TBXAS1: variants seen among roughly 807,000 people sequenced by gnomAD.
TBXAS1 encodes thromboxane A synthase 1, also known as thromboxane-A synthase.
A neutral mutation model predicts 60.7 loss-of-function variants in TBXAS1; 48 were observed. The observed-to-expected ratio is 0.79, with a 90% CI of 0.63 to 1.01. TBXAS1 has a LOEUF of 1.01. Among genes scored for constraint, TBXAS1 ranks in the 50% least tolerant of loss-of-function variants. The probability of loss-of-function intolerance (pLI) is 0.00; values close to 1 mark genes in which losing one functional copy is unlikely to be tolerated. For synonymous variants in TBXAS1, 287 were observed against 269.7 expected (o/e 1.06, Z -0.63); for missense variants, 685 against 686.3 (o/e 1.00, Z 0.02).
At chr7:139,817,306 T>G (rs913769170) in intron 4 of TBXAS1, among the ~76,000 whole-genome samples, 1 of 151,990 alleles carries the variant, frequency 6.6e-6, no homozygotes, top group Non-Finnish European at 1.5e-5. Context: ...ACATGCACGC[T>G]GCCCACCTGT....
chr7:140,001,380 C>T lies in TBXAS1; in HGVS notation c.1135-5711C>T, dbSNP rs140794066. Among the ~76,000 whole-genome samples, 46 of 152,296 alleles carry T rather than the reference C, an allele frequency of 3.0e-4. 1 individual carries two copies. The highest frequency in any genetic ancestry group is 1.0e-3 in the African/African-American group (42 of 41,566). Reference sequence around the variant, plus strand: ...CAGCACCCTCACTAGCTGTTGGTAACGTTGGTGCCTGGATGTACTGACAGA... The same window carrying T: ...CAGCACCCTCACTAGCTGTTGGTAATGTTGGTGCCTGGATGTACTGACAGA... On this transcript the variant is annotated intron_variant, in intron 9 of 12. Transcript: ENST00000448866.
intron 4 of TBXAS1, among the ~76,000 whole-genome samples, chr7:139,920,852 C>A (rs1468073310): frequency 6.6e-6 from 1 of 152,200 alleles, no homozygotes; most frequent in Non-Finnish European, 1.5e-5. Context: ...GGACAGACCT[C>A]CTCTGTTCCT....
At chr7:139,893,398 C>T (rs973690642) in intron 3 of TBXAS1, among the ~76,000 whole-genome samples, 1 of 150,656 alleles carries the variant, frequency 6.6e-6, no homozygotes, top group South Asian at 2.1e-4. Flanking sequence ...AATATACATG[C>T]CTGGGCATAA....
At position 139,962,730 on chromosome 7, in the gene TBXAS1, G is replaced by A. The variant is rs1355671929; in HGVS notation, c.1134+497G>A. 8 of 187,366 alleles carry A rather than the reference G, an allele frequency of 4.3e-5. No homozygotes were observed. The East Asian group carries it at 5.7e-4, about 13-fold the overall frequency. The allele number at this position is 187,366 out of a possible 1,614,324, so 11.6% of individuals were successfully genotyped here. On this transcript the variant is annotated intron_variant, in intron 9 of 12. Coordinates refer to ENST00000448866, the MANE Select transcript of TBXAS1 (RefSeq NM_001061.7). ...AATGGAATAAGGGAAGATGGGGCCCGTCAGCGCCCAGGCCAGCTTCAGGGC... is the reference window on the plus strand; with the variant it reads ...AATGGAATAAGGGAAGATGGGGCCCATCAGCGCCCAGGCCAGCTTCAGGGC...
At chr7:139,965,237 A>T (rs1345534856) in intron 9 of TBXAS1, among the ~76,000 whole-genome samples, 1 of 151,926 alleles carries the variant, frequency 6.6e-6, no homozygotes, top group Non-Finnish European at 1.5e-5. Flanking sequence ...AAAGGACCAC[A>T]TGTTATTATG....
At chr7:139,941,038 AG>A (rs1808251165) in intron 5 of TBXAS1, among the ~76,000 whole-genome samples, 1 of 152,216 alleles carries the variant, frequency 6.6e-6, no homozygotes, top group Non-Finnish European at 1.5e-5. Flanking sequence ...GAGGGAAATG[AG>A]CCACAGTGTT....
chr7:139,782,440 T>C (rs1438696040), intron 2 of TBXAS1: 3 of 146,144 alleles, frequency 2.1e-5, no homozygotes, highest in Admixed American at 6.9e-5. Context: ...TCATTTTGCT[T>C]ACAGGACATG....
rs144585509 is a variant in TBXAS1, at chr7:139,875,916, G to A, written c.236+279G>A. 189 of 496,822 alleles carry A rather than the reference G, an allele frequency of 3.8e-4. 1 individual carries two copies. Among genetic ancestry groups the A allele is most frequent in the African/African-American group, 3.1e-3 (160 of 51,446 alleles). The allele number at this position is 496,822 out of a possible 1,614,324, so 30.8% of individuals were successfully genotyped here. ...TGGGCTGGGCACAGCATCATCTCCCGTTGCTGTGCTGAGGGGTGTTGCCAC... is the reference window on the plus strand; with the variant it reads ...TGGGCTGGGCACAGCATCATCTCCCATTGCTGTGCTGAGGGGTGTTGCCAC... On this transcript the variant is annotated intron_variant, in intron 3 of 12. Coordinates refer to ENST00000448866, the MANE Select transcript of TBXAS1 (RefSeq NM_001061.7).
At chr7:140,003,323 C>T (rs1283021541) in intron 9 of TBXAS1, among the ~76,000 whole-genome samples, 1 of 152,040 alleles carries the variant, frequency 6.6e-6, no homozygotes, top group African/African-American at 2.4e-5. Flanking sequence ...CCTGCCTCAG[C>T]CTCCAGGGTG....
chr7:139,782,142 AT>A (rs913898432), intron 2 of TBXAS1, among the ~76,000 whole-genome samples: 3 of 151,822 alleles, frequency 2.0e-5, no homozygotes, highest in African/African-American at 7.3e-5. Flanking sequence ...TATTTTATTT[AT>A]TTAATAAGCA....
intron 1 of TBXAS1, among the ~76,000 whole-genome samples, chr7:139,859,087 C>T (rs971998276): frequency 1.3e-5 from 2 of 152,052 alleles, no homozygotes; most frequent in African/African-American, 4.8e-5. Context: ...GTTGGTCAGG[C>T]TGGTCTCAAA....
At chr7:139,829,173 C>A (rs1195220405), upstream of TBXAS1, 3 of 672,142 alleles carry the variant, frequency 4.5e-6, no homozygotes, top group African/African-American at 1.8e-5. Context: ...GTTGCTGATT[C>A]ATTCCTTTAC....
chr7:139,834,122 C>T (rs1798904667), intron 1 of TBXAS1, among the ~76,000 whole-genome samples: 1 of 152,146 alleles, frequency 6.6e-6, no homozygotes, highest in Admixed American at 6.5e-5. Context: ...TCTCAGACCA[C>T]AACAGAATAA....
rs950844644 is a variant in TBXAS1 at position 139,852,128 on chromosome 7, T to C, written c.90-20107T>C. Among the ~76,000 whole-genome samples the C allele has an allele frequency of 1.3e-4, 20 of 152,214 alleles. No homozygotes were observed. Among genetic ancestry groups the C allele is most frequent in the African/African-American group, 4.8e-4 (20 of 41,460 alleles). ...CCCTGAACCCAAAGCACCTAGCTGA[T>C]CTGCTCGCAGACTCCTGACCCTCAG... On this transcript the variant is annotated intron_variant, in intron 1 of 12. Coordinates refer to ENST00000448866, the MANE Select transcript of TBXAS1 (RefSeq NM_001061.7). This position sits in a 1 kb window ranked among gnomAD's most constrained non-coding sequence, Gnocchi z 4.4.
intron 4 of TBXAS1, among the ~76,000 whole-genome samples, chr7:139,808,829 C>T (rs1797942028): frequency 6.6e-6 from 1 of 152,100 alleles, no homozygotes; most frequent in Admixed American, 6.6e-5. Flanking sequence ...CAGTATAGTG[C>T]CTGGAACATA....
At chr7:140,015,919 T>C in intron 11 of TBXAS1, 59 bp downstream of exon 11, 2 of 1,610,104 alleles carry the variant, frequency 1.2e-6, no homozygotes, top group Non-Finnish European at 1.7e-6. Flanking sequence ...GATAGAAATT[T>C]ACCAGTGGAG....
chr7:139,962,261 A>G (rs1228462831), intron 9 of TBXAS1, 28 bp downstream of exon 9: 1 of 1,612,754 alleles, frequency 6.2e-7, no homozygotes, highest in Non-Finnish European at 8.5e-7. Flanking sequence ...CCAGTTACCC[A>G]TGGGATATCC....
chr7:139,828,497 A>G (rs1203670587), upstream of TBXAS1, among the ~76,000 whole-genome samples: 1 of 152,158 alleles, frequency 6.6e-6, no homozygotes, highest in East Asian at 1.9e-4. Context: ...TCCTTCAGAG[A>G]GTCTGTGGGT....
chr7:139,784,548 A>G (rs778566857), intron 3 of TBXAS1, among the ~76,000 whole-genome samples: 2 of 152,234 alleles, frequency 1.3e-5, no homozygotes, highest in Non-Finnish European at 2.9e-5. Flanking sequence ...TGTGCCTGGC[A>G]CTGCGAGTTC....
Sources: gnomAD v4.1 joint callset for allele counts (sites outside exome capture counted in the v4.1 genomes callset) on GRCh38, gnomAD v4.1.1 for gene constraint, Gnocchi (gnomAD v3.1) non-coding constraint, MANE v1.5 for transcripts, NCBI Gene and HGNC (gene_info 2026-07-23, HGNC 2026-07-21) for gene names.